TRAM1: variants seen among roughly 807,000 people sequenced by gnomAD.
TRAM1 encodes the protein translocating chain-associated membrane protein 1.
In TRAM1, 17 loss-of-function variants were observed where a neutral mutation model predicts 48.7. The observed-to-expected ratio is 0.35, with a 90% CI of 0.24 to 0.52. The LOEUF is 0.52. Ranked by LOEUF, TRAM1 falls within the 20% of genes least tolerant of loss-of-function variation. TRAM1 has a pLI of 0.94. For missense variants in TRAM1, 351 were observed against 441.5 expected (o/e 0.79, Z 1.84); for synonymous variants, 182 against 154.0 (o/e 1.18, Z -1.34).
chr8:70,576,646 T>G (rs1029573882), intron 10 of TRAM1, among the ~76,000 whole-genome samples: 3 of 152,192 alleles, frequency 2.0e-5, no homozygotes, highest in Admixed American at 2.0e-4. Flanking sequence ...CTCCACTCAC[T>G]GCAACCTCCA....
At chr8:70,604,859 TACTC>T (rs1212480070) in intron 1 of TRAM1, among the ~76,000 whole-genome samples, 2 of 152,220 alleles carry the variant, frequency 1.3e-5, no homozygotes, top group Non-Finnish European at 2.9e-5. Flanking sequence ...CTCCTCCACA[TACTC>T]ACTTTCAGAA....
rs1258254436 is a variant in TRAM1 at position 70,574,902 on chromosome 8, G to C, written c.*30C>G. The C allele has an allele frequency of 6.3e-6, 9 of 1,430,270 alleles. No homozygotes were observed. In the African/African-American group the frequency reaches 8.5e-5, roughly 13 times the overall value. The allele number at this position is 1,430,270 out of a possible 1,614,324, so 88.6% of individuals were successfully genotyped here. A position where few individuals can be genotyped will look rare whatever the true frequency, so the allele number is the denominator to read the frequency against. On this transcript the variant is annotated 3_prime_UTR_variant, in exon 11 of 11. Coordinates refer to ENST00000262213, the MANE Select transcript of TRAM1 (RefSeq NM_014294.6). ...GATATAGTAGAAAGCAGATTTCTTTGGGGACATTAATCAATTAGTTTATAA... is the reference window on the plus strand; with the variant it reads ...GATATAGTAGAAAGCAGATTTCTTTCGGGACATTAATCAATTAGTTTATAA...
intron 1 of TRAM1, chr8:70,607,572 G>A (rs2080696045): frequency 4.9e-6 from 4 of 822,420 alleles, no homozygotes; most frequent in Non-Finnish European, 5.9e-6. Context: ...CGGGGCCTGT[G>A]GTCTCCAGGC....
intron 1 of TRAM1, among the ~76,000 whole-genome samples, chr8:70,604,132 C>CA (rs1387941844): frequency 7.2e-5 from 11 of 152,058 alleles, no homozygotes; most frequent in African/African-American, 2.7e-4. Context: ...TCTCCATTTA[C>CA]AAAAATGGAA....
intron 8 of TRAM1, among the ~76,000 whole-genome samples, chr8:70,585,678 T>C (rs1219218627): frequency 1.6e-4 from 22 of 140,228 alleles, no homozygotes; most frequent in African/African-American, 5.7e-4. Context: ...AAAATGCTCA[T>C]CATCACTGGC....
intron 10 of TRAM1, among the ~76,000 whole-genome samples, chr8:70,575,286 C>G (rs1816922404): frequency 1.3e-5 from 2 of 152,206 alleles, no homozygotes; most frequent in African/African-American, 4.8e-5. Context: ...AAGAGAAATA[C>G]CTTCTGTAGA....
At chr8:70,578,271 G>C (rs1483933193) in intron 10 of TRAM1, among the ~76,000 whole-genome samples, 2 of 152,138 alleles carry the variant, frequency 1.3e-5, no homozygotes, top group African/African-American at 4.8e-5. Context: ...ACGATGCCTG[G>C]TTCATTTTTG....
Position 70,574,886 on chromosome 8 carries a change from G to T in TRAM1, c.*46C>A. 1 of 1,294,112 alleles carries T rather than the reference G, an allele frequency of 7.7e-7. No homozygotes were observed. Among genetic ancestry groups the T allele is most frequent in the African/African-American group, 1.5e-5 (1 of 68,332 alleles). 80.2% of individuals were successfully genotyped at this position (1,294,112 alleles called of 1,614,324 possible). On this transcript the variant is annotated 3_prime_UTR_variant, in exon 11 of 11. Transcript: ENST00000262213. ...ATCTCTAATGCTGAAAGATATAGTAGAAAGCAGATTTCTTTGGGGACATTA... is the reference window on the plus strand; with the variant it reads ...ATCTCTAATGCTGAAAGATATAGTATAAAGCAGATTTCTTTGGGGACATTA...
In TRAM1 at chr8:70,574,428, T is replaced by G. The variant is rs1177811731; in HGVS notation, c.*504A>C. Reference sequence around the variant, plus strand: ...AATTGTTCCGGTGATTTTACAAATCTTTTTTTCCAGGTGTAAAGTCTACAA... The same window carrying G: ...AATTGTTCCGGTGATTTTACAAATCGTTTTTTCCAGGTGTAAAGTCTACAA... On this transcript the variant is annotated 3_prime_UTR_variant, in exon 11 of 11. Coordinates refer to ENST00000262213, the MANE Select transcript of TRAM1 (RefSeq NM_014294.6). 4.5e-6 allele frequency: 1 copy of G among 222,256 alleles called. No homozygotes were observed. Among genetic ancestry groups the G allele is most frequent in the Non-Finnish European group, 9.0e-6 (1 of 110,536 alleles). 13.8% of individuals were successfully genotyped at this position (222,256 alleles called of 1,614,324 possible).
intron 1 of TRAM1, among the ~76,000 whole-genome samples, chr8:70,605,702 T>C (rs940143659): frequency 1.3e-5 from 2 of 152,220 alleles, no homozygotes; most frequent in Non-Finnish European, 2.9e-5. Context: ...AACACCTTAA[T>C]ATATGGTAAG....
intron 6 of TRAM1, among the ~76,000 whole-genome samples, chr8:70,589,189 C>A (rs533271824): frequency 6.6e-6 from 1 of 152,256 alleles, no homozygotes; most frequent in Non-Finnish European, 1.5e-5. Flanking sequence ...TTTTGGGACT[C>A]TTAGGAAAAT....
intron 1 of TRAM1, chr8:70,607,273 T>TCCTG: frequency 1.0e-6 from 1 of 985,264 alleles, no homozygotes; most frequent in Non-Finnish European, 1.2e-6. Flanking sequence ...ATTTACACAC[T>TCCTG]CCTGACATTC....
rs914175792 is a variant in TRAM1, at chr8:70,584,017, A to AAAAT, written c.747-228_747-225dup. On this transcript the variant is annotated intron_variant, in intron 8 of 10. Transcript: ENST00000262213. ...AACAAGAGCGAAACTCCATCTCAAA[A>AAAAT]AAATAAATAAATAAATAAAGAAGAA... is the stretch of plus-strand genomic sequence containing the variant. Among the ~76,000 whole-genome samples the AAAAT allele has an allele frequency of 6.6e-5, 10 of 152,116 alleles. No homozygotes were observed. In the East Asian group the frequency reaches 9.6e-4, roughly 15 times the overall value.
At chr8:70,590,153 A>C (rs1227495369) in intron 6 of TRAM1, among the ~76,000 whole-genome samples, 1 of 151,952 alleles carries the variant, frequency 6.6e-6, no homozygotes, top group East Asian at 1.9e-4. Context: ...AAAAAAAAAA[A>C]AAACTAATTT....
intron 6 of TRAM1, among the ~76,000 whole-genome samples, chr8:70,591,815 A>G (rs1817370140): frequency 6.6e-6 from 1 of 152,138 alleles, no homozygotes; most frequent in Non-Finnish European, 1.5e-5. Context: ...AGACACATAC[A>G]CCCGAAAACT....
chr8:70,594,605 A>G lies in TRAM1; in HGVS notation c.486-15T>C. 1 of 1,563,422 alleles carries G rather than the reference A, an allele frequency of 6.4e-7. No individual in the cohort carries two copies. The highest frequency in any genetic ancestry group is 1.4e-5 in the African/African-American group (1 of 72,028). Reference sequence around the variant, plus strand: ...TCATTTGAAATCTGTACAACACAAGAAAATGAAGAGTACCTTTTAAAGCAT... The same window carrying G: ...TCATTTGAAATCTGTACAACACAAGGAAATGAAGAGTACCTTTTAAAGCAT... On this transcript the variant is annotated splice_polypyrimidine_tract_variant and intron_variant, in intron 5 of 10. Transcript: ENST00000262213.
intron 1 of TRAM1, among the ~76,000 whole-genome samples, chr8:70,602,454 G>T (rs1007043460): frequency 6.6e-6 from 1 of 152,240 alleles, no homozygotes; most frequent in African/African-American, 2.4e-5. Flanking sequence ...GAACAAAATT[G>T]TAAGGACTGA....
chr8:70,583,515 C>G, intron 9 of TRAM1, 135 bp downstream of exon 9: 1 of 1,336,154 alleles, frequency 7.5e-7, no homozygotes, highest in South Asian at 1.5e-5. Flanking sequence ...AAAATAGCAA[C>G]GGGTATGAAA....
chr8:70,584,886 A>G (rs1250587702), intron 8 of TRAM1, among the ~76,000 whole-genome samples: 1 of 152,198 alleles, frequency 6.6e-6, no homozygotes, highest in East Asian at 1.9e-4. Flanking sequence ...TGCCATCCCC[A>G]TCAAGCTACC....
Sources: gnomAD v4.1 joint callset for allele counts (sites outside exome capture counted in the v4.1 genomes callset) on GRCh38, gnomAD v4.1.1 for gene constraint, MANE v1.5 for transcripts, NCBI Gene and HGNC (gene_info 2026-07-23, HGNC 2026-07-21) for gene names.